CFL2: variants seen among roughly 807,000 people sequenced by gnomAD.
The protein encoded by CFL2 is cofilin-2.
CFL2 carries 10 observed loss-of-function variants against 19.6 expected under a neutral mutation model. The observed-to-expected ratio is 0.51, with a 90% CI of 0.31 to 0.86. The LOEUF is 0.86. Among genes scored for constraint, CFL2 ranks in the 40% least tolerant of loss-of-function variants. The pLI is 0.04. For missense variants in CFL2, 125 were observed against 192.1 expected, an observed-to-expected ratio of 0.65 and a Z score of 2.06; for synonymous variants, 63 against 66.7, an observed-to-expected ratio of 0.95 and a Z score of 0.27.
chr14:34,712,925 C>T lies in CFL2; in HGVS notation c.441G>A (p.Ser147=), dbSNP rs145938782. ...TGCCTCCCAATTTCTCTCCAAGTGT[C>T]GAACGGTCCTTAATATCATCCAAGC... ...VNGLDDIKDR[S]TLGEKLGGNV... is the part of the protein sequence containing the mutation. The change falls in exon 4 of 4, where the codon TCG becomes TCA. Residue 147 remains serine, a synonymous_variant. Transcript: ENST00000298159. 5.5e-5 allele frequency: 88 copies of T among 1,612,014 alleles called. No individual in the cohort carries two copies. In the African/African-American group the frequency reaches 8.5e-4, roughly 16 times the overall value.
chr14:34,711,725 A>C lies in CFL2; in HGVS notation c.*1140T>G. 1 of 443,082 alleles carries C rather than the reference A, an allele frequency of 2.3e-6. No homozygotes were observed. The highest frequency in any genetic ancestry group is 4.5e-6 in the Non-Finnish European group (1 of 223,950). 27.4% of individuals were successfully genotyped at this position (443,082 alleles called of 1,614,324 possible). A position where few individuals can be genotyped will look rare whatever the true frequency, so the allele number is the denominator to read the frequency against. On this transcript the variant is annotated 3_prime_UTR_variant, in exon 4 of 4. Coordinates refer to ENST00000298159, the MANE Select transcript of CFL2 (RefSeq NM_138638.5). Reference sequence around the variant, plus strand: ...AGATATTGAAAAGTATTTATGCCAAAGTGCAAAAAATAATTTCTGATCTTC... The same window carrying C: ...AGATATTGAAAAGTATTTATGCCAACGTGCAAAAAATAATTTCTGATCTTC...
At chr14:34,714,320 A>G in intron 1 of CFL2, 1 of 649,308 alleles carries the variant, frequency 1.5e-6, no homozygotes, top group Non-Finnish European at 2.3e-6. Context: ...ACCTGCGCCG[A>G]CGCCCGGGCC....
chr14:34,711,688 A>G lies in CFL2; in HGVS notation c.*1177T>C. ...AAAAAATAACTATGCTAATTTATCC[A>G]GAGAACAAATCAGATATTGAAAAGT... is the stretch of plus-strand genomic sequence containing the variant. On this transcript the variant is annotated 3_prime_UTR_variant, in exon 4 of 4. Coordinates refer to ENST00000298159, the MANE Select transcript of CFL2 (RefSeq NM_138638.5). The G allele has an allele frequency of 2.2e-6, 1 of 447,218 alleles. No individual in the cohort carries two copies. Among genetic ancestry groups the G allele is most frequent in the Non-Finnish European group, 4.4e-6 (1 of 225,006 alleles). The allele number at this position is 447,218 out of a possible 1,614,324, so 27.7% of individuals were successfully genotyped here. A position where few individuals can be genotyped will look rare whatever the true frequency, so the allele number is the denominator to read the frequency against.
chr14:34,713,316 A>C lies in CFL2; in HGVS notation c.249T>G (p.Ala83=). ...TTGTTTCGTATGTGGCATCGTACAA[A>C]GCATATCGGCAATCATTCAGAGGTA... ...KLLPLNDCRY[A]LYDATYETKE... is the part of the protein sequence containing the mutation. Residue 83 remains alanine, a synonymous_variant, in exon 2 of 4, where the codon GCT becomes GCG. Transcript: ENST00000298159. 2 of 1,614,082 alleles carry C rather than the reference A, an allele frequency of 1.2e-6. No homozygotes were observed. The highest frequency in any genetic ancestry group is 1.7e-6 in the Non-Finnish European group (2 of 1,179,978).
In CFL2 at chr14:34,711,916, A is replaced by T. The variant is rs1885310436; in HGVS notation, c.*949T>A. 2.2e-6 allele frequency: 1 copy of T among 454,244 alleles called. No individual in the cohort carries two copies. The highest frequency in any genetic ancestry group is 2.0e-5 in the African/African-American group (1 of 50,122). 28.1% of individuals were successfully genotyped at this position (454,244 alleles called of 1,614,324 possible). A position where few individuals can be genotyped will look rare whatever the true frequency, so the allele number is the denominator to read the frequency against. On this transcript the variant is annotated 3_prime_UTR_variant, in exon 4 of 4. Coordinates refer to ENST00000298159, the MANE Select transcript of CFL2 (RefSeq NM_138638.5). ...AATGCTGTACAAAAAAAATTCTCAA[A>T]TGACCAGTGCAGAGATTAGTAATAG...
chr14:34,710,633 A>G lies in CFL2; in HGVS notation c.*2232T>C, dbSNP rs576968556. On this transcript the variant is annotated 3_prime_UTR_variant, in exon 4 of 4. Coordinates refer to ENST00000298159, the MANE Select transcript of CFL2 (RefSeq NM_138638.5). ...CAAATTAATCTCAAATAACAAGTGA[A>G]CTATTATTAATTTTATCTCTTTTTT... 9.2e-6 allele frequency: 4 copies of G among 435,758 alleles called. No homozygotes were observed. In the East Asian group the frequency reaches 2.8e-4, roughly 31 times the overall value. 27.0% of individuals were successfully genotyped at this position (435,758 alleles called of 1,614,324 possible). A position where few individuals can be genotyped will look rare whatever the true frequency, so the allele number is the denominator to read the frequency against.
In CFL2 at chr14:34,709,140, T is replaced by C. The variant is rs1885204541; in HGVS notation, c.*3725A>G. 1 of 152,112 alleles carries C rather than the reference T, an allele frequency of 6.6e-6. No homozygotes were observed. Among genetic ancestry groups the C allele is most frequent in the Non-Finnish European group, 1.5e-5 (1 of 68,038 alleles). The allele number at this position is 152,112 out of a possible 1,614,324, so 9.4% of individuals were successfully genotyped here. Reference sequence around the variant, plus strand: ...CATCTTTTAACAAAAACATTTAATATTTATCTACTTACATACAGTAATTAA... The same window carrying C: ...CATCTTTTAACAAAAACATTTAATACTTATCTACTTACATACAGTAATTAA... On this transcript the variant is annotated 3_prime_UTR_variant, in exon 4 of 4. Transcript: ENST00000298159.
At chr14:34,714,129 A>C in intron 1 of CFL2, 1 of 372,138 alleles carries the variant, frequency 2.7e-6, no homozygotes. Context: ...CTCTTCCTTA[A>C]TCTCCCCGTA....
chr14:34,711,076 A>G lies in CFL2; in HGVS notation c.*1789T>C, dbSNP rs563942468. The G allele has an allele frequency of 6.6e-6, 3 of 454,126 alleles. No individual in the cohort carries two copies. The highest frequency in any genetic ancestry group is 4.7e-5 in the South Asian group (3 of 64,468). The allele number at this position is 454,126 out of a possible 1,614,324, so 28.1% of individuals were successfully genotyped here. A position where few individuals can be genotyped will look rare whatever the true frequency, so the allele number is the denominator to read the frequency against. On this transcript the variant is annotated 3_prime_UTR_variant, in exon 4 of 4. Transcript: ENST00000298159. ...AACCATTCATATAATTTTAAATGGA[A>G]GCCTAGACATTTAATCCCTATTTTT... is the stretch of plus-strand genomic sequence containing the variant.
Position 34,710,703 on chromosome 14 carries a change from A to G in CFL2, c.*2162T>C, listed in dbSNP as rs1358371466. On this transcript the variant is annotated 3_prime_UTR_variant, in exon 4 of 4. Coordinates refer to ENST00000298159, the MANE Select transcript of CFL2 (RefSeq NM_138638.5). The stretch of plus-strand genomic sequence containing the variant: ...GTATTTCAAAGATGAACTTAATTAT[A>G]TTAGTATCAGTTTTGTCAATCTAGC... 1.1e-5 allele frequency: 5 copies of G among 451,886 alleles called. No homozygotes were observed. The highest frequency in any genetic ancestry group is 3.2e-5 in the South Asian group (2 of 63,108). 28.0% of individuals were successfully genotyped at this position (451,886 alleles called of 1,614,324 possible).
In CFL2 at chr14:34,711,772, ATACAC is replaced by A. The variant is rs1376811895; in HGVS notation, c.*1088_*1092del. The A allele has an allele frequency of 6.8e-6, 3 of 444,180 alleles. No individual in the cohort carries two copies. The Admixed American group carries it at 7.5e-5, about 11-fold the overall frequency. The allele number at this position is 444,180 out of a possible 1,614,324, so 27.5% of individuals were successfully genotyped here. A position where few individuals can be genotyped will look rare whatever the true frequency, so the allele number is the denominator to read the frequency against. ...CTTCATATTAACACATAGGAAATAAATACACTAATGTTTATAAAAGTACCATTCTT... is the reference window on the plus strand; with the variant it reads ...CTTCATATTAACACATAGGAAATAAATAATGTTTATAAAAGTACCATTCTT... On this transcript the variant is annotated 3_prime_UTR_variant, in exon 4 of 4. Coordinates refer to ENST00000298159, the MANE Select transcript of CFL2 (RefSeq NM_138638.5).
chr14:34,712,174 ACTC>A lies in CFL2; in HGVS notation c.*688_*690del. The A allele has an allele frequency of 2.2e-6, 1 of 454,484 alleles. No individual in the cohort carries two copies. Among genetic ancestry groups the A allele is most frequent in the Non-Finnish European group, 4.4e-6 (1 of 226,788 alleles). The allele number at this position is 454,484 out of a possible 1,614,324, so 28.2% of individuals were successfully genotyped here. ...GCAGGACTCACATGGTAAACATAAAACTCCTACACTTATTCAGTAGTGTACACT... is the reference window on the plus strand; with the variant it reads ...GCAGGACTCACATGGTAAACATAAAACTACACTTATTCAGTAGTGTACACT... On this transcript the variant is annotated 3_prime_UTR_variant, in exon 4 of 4. Coordinates refer to ENST00000298159, the MANE Select transcript of CFL2 (RefSeq NM_138638.5).
Position 34,712,713 on chromosome 14 carries a change from TTAAA to T in CFL2, c.*148_*151del. 1 of 706,640 alleles carries T rather than the reference TTAAA, an allele frequency of 1.4e-6. No individual in the cohort carries two copies. The highest frequency in any genetic ancestry group is 2.6e-6 in the Non-Finnish European group (1 of 382,978). 43.8% of individuals were successfully genotyped at this position (706,640 alleles called of 1,614,324 possible). A position where few individuals can be genotyped will look rare whatever the true frequency, so the allele number is the denominator to read the frequency against. On this transcript the variant is annotated 3_prime_UTR_variant, in exon 4 of 4. Coordinates refer to ENST00000298159, the MANE Select transcript of CFL2 (RefSeq NM_138638.5). ...CTAATGGCAATCACTGATAGGCTGC[TTAAA>T]TAAATGATATTTCCTTCATTCATTG... is the stretch of plus-strand genomic sequence containing the variant.
intron 1 of CFL2, chr14:34,714,091 C>A (rs1885412872): frequency 8.2e-6 from 3 of 366,590 alleles, no homozygotes; most frequent in African/African-American, 2.1e-5. Context: ...GCTTTTACGG[C>A]GAGAAAGCAT....
intron 1 of CFL2, 179 bp downstream of exon 1, chr14:34,714,359 G>T: frequency 9.6e-7 from 1 of 1,042,152 alleles, no homozygotes; most frequent in Non-Finnish European, 1.3e-6. Context: ...CCAAAGAGCA[G>T]CAGGGCAGGG....
chr14:34,713,705 T>C (rs1308196683), intron 1 of CFL2, 144 bp from the exon 2 acceptor site: 1 of 1,612,696 alleles, frequency 6.2e-7, no homozygotes, highest in Non-Finnish European at 8.5e-7. Context: ...TTTGTCACAT[T>C]TTAAGAATCA....
rs34155547 is a variant in CFL2, at chr14:34,709,622, CA to C, written c.*3242del. 57,640 of 97,798 alleles carry C rather than the reference CA, an allele frequency of 0.59. 15,031 individuals carry two copies. The highest frequency in any genetic ancestry group is 0.68 in the Middle Eastern group (128 of 188). The allele number at this position is 97,798 out of a possible 1,614,324, so 6.1% of individuals were successfully genotyped here. A position where few individuals can be genotyped will look rare whatever the true frequency, so the allele number is the denominator to read the frequency against. ...AAACTCAGTCTCTACAAAAGAGATA[CA>C]AAAAAAAAAAAAAAAAAAATTAGGC... On this transcript the variant is annotated 3_prime_UTR_variant, in exon 4 of 4. Coordinates refer to ENST00000298159, the MANE Select transcript of CFL2 (RefSeq NM_138638.5).
chr14:34,713,808 T>C (rs1566525739), intron 1 of CFL2: 1 of 1,590,724 alleles, frequency 6.3e-7, no homozygotes, highest in Non-Finnish European at 8.6e-7. Flanking sequence ...AAATACAAGT[T>C]GTCCCATCCC....
Position 34,711,465 on chromosome 14 carries a change from A to T in CFL2, c.*1400T>A, listed in dbSNP as rs899357071. On this transcript the variant is annotated 3_prime_UTR_variant, in exon 4 of 4. Coordinates refer to ENST00000298159, the MANE Select transcript of CFL2 (RefSeq NM_138638.5). ...CCAAATCCCACTACTAATGTTTAAG[A>T]CTGCTATTATCAATTCCTATTCCAA... 6 of 363,550 alleles carry T rather than the reference A, an allele frequency of 1.7e-5. No homozygotes were observed. In the African/African-American group the frequency reaches 2.6e-4, roughly 16 times the overall value. 22.5% of individuals were successfully genotyped at this position (363,550 alleles called of 1,614,324 possible). A position where few individuals can be genotyped will look rare whatever the true frequency, so the allele number is the denominator to read the frequency against.
Sources: gnomAD v4.1 joint callset for allele counts on GRCh38, gnomAD v4.1.1 for gene constraint, MANE v1.5 for transcripts, NCBI Gene and HGNC (gene_info 2026-07-23, HGNC 2026-07-21) for gene names.